The following PLXNA4 variants were observed in gnomAD, a reference collection of about 807,000 sequenced individuals.
The protein encoded by PLXNA4 is plexin A4.
A neutral mutation model predicts 191.8 loss-of-function variants in PLXNA4; 44 were observed. The observed-to-expected ratio is 0.23, with a 90% confidence interval of 0.18 to 0.29. PLXNA4 has a LOEUF of 0.29. PLXNA4 is among the 10% of genes least tolerant of loss of function. The pLI, the probability that PLXNA4 is intolerant of heterozygous loss-of-function variation, is 1.00. For synonymous variants in PLXNA4, 1,082 were observed against 1,009.5 expected, an observed-to-expected ratio of 1.07 and a Z score of -1.36; for missense variants, 1,800 against 2,488.8, an observed-to-expected ratio of 0.72 and a Z score of 5.89.
intron 20 of PLXNA4, among the ~76,000 whole-genome samples, chr7:132,177,806 G>A (rs1796525889): frequency 6.6e-6 from 1 of 152,200 alleles, no homozygotes; most frequent in South Asian, 2.1e-4. Context: ...ATAATAAAAG[G>A]CAGTAATTAA....
intron 25 of PLXNA4, among the ~76,000 whole-genome samples, chr7:132,153,391 G>A (rs950667225): frequency 3.9e-5 from 6 of 152,104 alleles, no homozygotes; most frequent in Non-Finnish European, 8.8e-5. Context: ...AAGGAGAGGA[G>A]AGCATTATTA....
intron 9 of PLXNA4, among the ~76,000 whole-genome samples, chr7:132,220,643 G>A (rs1031326367): frequency 6.6e-6 from 1 of 151,644 alleles, no homozygotes; most frequent in Non-Finnish European, 1.5e-5. Context: ...TTTCTCCGGG[G>A]CCCTGGCATC....
chr7:132,195,767 T>TTG (rs756902875), intron 13 of PLXNA4, among the ~76,000 whole-genome samples: 62 of 152,358 alleles, frequency 4.1e-4, no homozygotes, highest in Non-Finnish European at 6.8e-4. Flanking sequence ...TGCTGATAGA[T>TTG]TGTCTGAATT....
intron 3 of PLXNA4, among the ~76,000 whole-genome samples, chr7:132,387,549 C>G (rs1805204113): frequency 6.6e-6 from 1 of 152,134 alleles, no homozygotes; most frequent in Non-Finnish European, 1.5e-5. Context: ...CCATCTGTCG[C>G]CAGGTAACTC....
intron 8 of PLXNA4, 24 bp from the exon 9 acceptor site, chr7:132,223,665 C>G (rs760712667): frequency 1.3e-6 from 2 of 1,591,828 alleles, no homozygotes; most frequent in Middle Eastern, 1.7e-4. Context: ...AAGGGAGGCA[C>G]AAATCTAAGA....
intron 12 of PLXNA4, among the ~76,000 whole-genome samples, chr7:132,200,727 T>C (rs1399523873): frequency 6.6e-6 from 1 of 152,232 alleles, no homozygotes; most frequent in Non-Finnish European, 1.5e-5. Context: ...CACACATCCC[T>C]GGTGCACGTG....
chr7:132,274,757 C>T (rs188339072), intron 4 of PLXNA4, among the ~76,000 whole-genome samples: 2 of 144,604 alleles, frequency 1.4e-5, no homozygotes, highest in Admixed American at 7.0e-5. Context: ...GTGCCCTTCT[C>T]AGTGCATCCT....
chr7:132,321,049 T>A (rs1398450798), intron 3 of PLXNA4, among the ~76,000 whole-genome samples: 2 of 152,150 alleles, frequency 1.3e-5, no homozygotes, highest in Non-Finnish European at 2.9e-5. Flanking sequence ...TTGACGGCTG[T>A]CAGATGCCTG....
At chr7:132,500,153 C>T (rs1798186697) in intron 2 of PLXNA4, among the ~76,000 whole-genome samples, 1 of 152,152 alleles carries the variant, frequency 6.6e-6, no homozygotes, top group Non-Finnish European at 1.5e-5. Flanking sequence ...CACCCAAATG[C>T]ATTATCTTAT....
At chr7:132,280,201 TC>T (rs1273692702) in intron 4 of PLXNA4, among the ~76,000 whole-genome samples, 21 of 151,354 alleles carry the variant, frequency 1.4e-4, no homozygotes, top group Non-Finnish European at 4.4e-5. Context: ...CTTTTCCAGC[TC>T]CCCCTCCCTC....
intron 3 of PLXNA4, among the ~76,000 whole-genome samples, chr7:132,333,237 G>A (rs2116705507): frequency 6.6e-6 from 1 of 152,282 alleles, no homozygotes; most frequent in South Asian, 2.1e-4. Context: ...GGGAATTTGT[G>A]GGAAGGGGTC....
intron 2 of PLXNA4, among the ~76,000 whole-genome samples, chr7:132,489,846 G>C (rs950471124): frequency 6.6e-6 from 1 of 152,208 alleles, no homozygotes. Context: ...CAGATGAGCA[G>C]GGGCTCCAGG....
intron 3 of PLXNA4, among the ~76,000 whole-genome samples, chr7:132,426,461 C>A (rs1214662876): frequency 6.6e-6 from 1 of 152,218 alleles, no homozygotes; most frequent in East Asian, 1.9e-4. Context: ...TCATGCCCAC[C>A]TGACACTAGG....
chr7:132,310,979 T>G (rs1334550186), intron 3 of PLXNA4, among the ~76,000 whole-genome samples: 1 of 152,148 alleles, frequency 6.6e-6, no homozygotes, highest in Admixed American at 6.5e-5. Flanking sequence ...CTCATCCCCT[T>G]GGGAAGCACG....
chr7:132,520,501 G>C (rs940592646), intron 1 of PLXNA4, among the ~76,000 whole-genome samples: 1 of 152,128 alleles, frequency 6.6e-6, no homozygotes, highest in Non-Finnish European at 1.5e-5. Context: ...TAGACCCCTC[G>C]ACAGGTTGAC....
chr7:132,595,491 G>A (rs191996252), intron 2 of PLXNA4, among the ~76,000 whole-genome samples: 6 of 152,286 alleles, frequency 3.9e-5, no homozygotes, highest in Admixed American at 3.3e-4. Flanking sequence ...CCCCAGATAC[G>A]GGTGGATCAC....
intron 4 of PLXNA4, among the ~76,000 whole-genome samples, chr7:132,285,951 C>T (rs113177854): frequency 0.038 from 5,509 of 145,416 alleles, 116 homozygotes; most frequent in African/African-American, 0.049. Flanking sequence ...AAATGAGGAT[C>T]AGTGGTAGTC....
intron 2 of PLXNA4, among the ~76,000 whole-genome samples, chr7:132,604,499 C>A (rs1266558565): frequency 6.6e-6 from 1 of 152,168 alleles, no homozygotes; most frequent in Non-Finnish European, 1.5e-5. Context: ...GTAGCTTGTG[C>A]TGGTTTCGTT....
chr7:132,233,401 C>A (rs1191389546), intron 5 of PLXNA4, among the ~76,000 whole-genome samples: 1 of 152,048 alleles, frequency 6.6e-6, no homozygotes, highest in Non-Finnish European at 1.5e-5. Context: ...CAGATGAGTC[C>A]TTTCAATGTT....
Sources: gnomAD v4.1 joint callset for allele counts (sites outside exome capture counted in the v4.1 genomes callset) on GRCh38, gnomAD v4.1.1 for gene constraint, MANE v1.5 for transcripts, NCBI Gene and HGNC (gene_info 2026-07-23, HGNC 2026-07-21) for gene names.